Variants in PATJ observed in about 807,000 individuals in gnomAD.
PATJ encodes the protein PATJ crumbs cell polarity complex component, also known as inaD-like protein.
Under a neutral mutation model 224.9 loss-of-function variants are expected in PATJ, and 190 were observed. The ratio of observed to expected loss-of-function variants is 0.84; its 90% CI spans 0.75 to 0.95. The LOEUF (loss-of-function observed/expected upper bound fraction) is 0.95. PATJ is among the 40% of genes least tolerant of loss of function. The pLI is 0.00. For synonymous variants in PATJ, 769 were observed against 820.3 expected, an observed-to-expected ratio of 0.94 and a Z score of 1.07; for missense variants, 2,121 against 2,270.3, an observed-to-expected ratio of 0.93 and a Z score of 1.34.
intron 22 of PATJ, among the ~76,000 whole-genome samples, chr1:61,888,097 G>T (rs1669127957): frequency 6.6e-6 from 1 of 152,146 alleles, no homozygotes; most frequent in African/African-American, 2.4e-5. Context: ...CTCTGCAAAA[G>T]CCAGGCCGGT....
At chr1:61,893,000 A>C (rs184992942) in intron 22 of PATJ, among the ~76,000 whole-genome samples, 86 of 152,354 alleles carry the variant, frequency 5.6e-4, no homozygotes, top group African/African-American at 2.0e-3. Flanking sequence ...TTAAAGTTTC[A>C]AATATGTTTG....
At chr1:61,953,813 C>G (rs1357410488) in intron 27 of PATJ, among the ~76,000 whole-genome samples, 2 of 152,160 alleles carry the variant, frequency 1.3e-5, no homozygotes, top group East Asian at 3.8e-4. Flanking sequence ...GATTATAATA[C>G]ATGTATGCTT....
chr1:61,861,284 C>CTTTTTTTTTTTTTTTTTTTTTTTTTTTTT, intron 18 of PATJ, among the ~76,000 whole-genome samples: 5 of 48,872 alleles, frequency 1.0e-4, no homozygotes, highest in Non-Finnish European at 1.7e-4. Context: ...TTCTTTCTTT[C>CTTTTTTTTTTTTTTTTTTTTTTTTTTTTT]TTTTTTTTTT....
At position 61,763,167 on chromosome 1, in the gene PATJ, A is replaced by G. The variant is rs1226043733; in HGVS notation, c.177A>G (p.Gln59=). The G allele has an allele frequency of 6.3e-7, 1 of 1,579,908 alleles. No individual in the cohort carries two copies. Among genetic ancestry groups the G allele is most frequent in the South Asian group, 1.2e-5 (1 of 83,296 alleles). Residue 59 remains glutamine, a synonymous_variant, in exon 3 of 44, where the codon CAA becomes CAG. Coordinates refer to ENST00000642238, the MANE Select transcript of PATJ (RefSeq NM_001350145.3). ...TCACACTTCAGCAGTCCATCAAGCA[A>G]CTGAAGGGTCAAGTAAGTTACCCAT... ...QILTLQQSIK[Q]LKGQLNHIPS...
chr1:61,781,148 G>C (rs1459457924), intron 7 of PATJ, among the ~76,000 whole-genome samples: 1 of 152,182 alleles, frequency 6.6e-6, no homozygotes, highest in Non-Finnish European at 1.5e-5. Context: ...GTTTGATTCT[G>C]AAGTCTGAGC....
At chr1:61,960,805 A>AT (rs1681167432) in intron 27 of PATJ, among the ~76,000 whole-genome samples, 1 of 152,036 alleles carries the variant, frequency 6.6e-6, no homozygotes, top group Non-Finnish European at 1.5e-5. Context: ...TTTGCTGACC[A>AT]TTTTTCTCAG....
chr1:61,820,901 C>A (rs900681608), intron 14 of PATJ, among the ~76,000 whole-genome samples: 12 of 152,148 alleles, frequency 7.9e-5, no homozygotes, highest in Non-Finnish European at 8.8e-5. Context: ...AGCTTTTCCT[C>A]ACCTCCTTTA....
intron 27 of PATJ, among the ~76,000 whole-genome samples, chr1:61,940,145 C>G (rs1285051245): frequency 1.3e-5 from 2 of 152,028 alleles, no homozygotes; most frequent in Non-Finnish European, 1.5e-5. Flanking sequence ...ACATCATTTA[C>G]TTTGACTAAG....
In PATJ at chr1:61,787,989, T is replaced by C. The variant is rs775604054; in HGVS notation, c.1068+17T>C. 6.3e-7 allele frequency: 1 copy of C among 1,587,434 alleles called. No individual in the cohort carries two copies. The highest frequency in any genetic ancestry group is 8.6e-7 in the Non-Finnish European group (1 of 1,158,062). On this transcript the variant is annotated intron_variant, in intron 8 of 43. Transcript: ENST00000642238. ...CCTGGTTCTGTGAGTATACATATCATTCTTTCATCTTAAACCAAAGCCTGG... is the reference window on the plus strand; with the variant it reads ...CCTGGTTCTGTGAGTATACATATCACTCTTTCATCTTAAACCAAAGCCTGG...
intron 26 of PATJ, among the ~76,000 whole-genome samples, chr1:61,926,581 A>C (rs922486382): frequency 4.6e-5 from 7 of 152,164 alleles, no homozygotes; most frequent in African/African-American, 1.7e-4. Context: ...ACAAGAATTA[A>C]AGAGACAAAG....
intron 42 of PATJ, among the ~76,000 whole-genome samples, chr1:62,152,047 C>G (rs780785737): frequency 2.7e-5 from 4 of 150,098 alleles, no homozygotes; most frequent in Non-Finnish European, 5.9e-5. Context: ...CTTGGTTTCT[C>G]TCTTCTCTCC....
intron 15 of PATJ, among the ~76,000 whole-genome samples, chr1:61,825,276 C>T (rs1288292047): frequency 6.6e-6 from 1 of 152,134 alleles, no homozygotes; most frequent in Non-Finnish European, 1.5e-5. Context: ...TGGGGCCACA[C>T]TTGTGCAATG....
rs1383896885 is a variant in PATJ at position 62,123,095 on chromosome 1, T to G, written c.5043+37T>G. 2.0e-6 allele frequency: 3 copies of G among 1,475,904 alleles called. No individual in the cohort carries two copies. The African/African-American group carries it at 4.2e-5, about 21-fold the overall frequency. The allele number at this position is 1,475,904 out of a possible 1,614,324, so 91.4% of individuals were successfully genotyped here. On this transcript the variant is annotated intron_variant, in intron 39 of 43. Transcript: ENST00000642238. Reference sequence around the variant, plus strand: ...ATTTTGCTGTATGTATTTTTCTGGTTTGTGTTGGATTTGCACTAAATGTAC... The same window carrying G: ...ATTTTGCTGTATGTATTTTTCTGGTGTGTGTTGGATTTGCACTAAATGTAC...
At chr1:61,991,827 C>A in intron 28 of PATJ, 1 of 742,818 alleles carries the variant, frequency 1.3e-6, no homozygotes, top group Non-Finnish European at 1.6e-6. Context: ...GAGACTTCCT[C>A]AGAGATGAGA....
chr1:61,745,238 A>G (rs367924531), intron 1 of PATJ, among the ~76,000 whole-genome samples: 4 of 152,210 alleles, frequency 2.6e-5, no homozygotes, highest in African/African-American at 9.7e-5. Context: ...ATGACCTACA[A>G]TCAGACAAGG....
At chr1:62,011,373 C>T (rs1330365400) in intron 28 of PATJ, among the ~76,000 whole-genome samples, 1 of 152,022 alleles carries the variant, frequency 6.6e-6, no homozygotes, top group Non-Finnish European at 1.5e-5. Flanking sequence ...TATTAATTGG[C>T]CTAACTTTAA....
At chr1:61,911,715 A>G (rs1178994508) in intron 25 of PATJ, among the ~76,000 whole-genome samples, 1 of 145,478 alleles carries the variant, frequency 6.9e-6, no homozygotes, top group Non-Finnish European at 1.5e-5. Context: ...ATATATATAT[A>G]TATCATATAT....
At position 61,856,186 on chromosome 1, in the gene PATJ, T is replaced by C. The variant is rs922901912; in HGVS notation, c.2269T>C (p.Leu757=). ...CTCACTTGCTGAAGCTGTGGAAATA[T>C]TGAAAGCTGTGCCACCAGGCCTAGT... is the stretch of plus-strand genomic sequence containing the variant. ...NTSLAEAVEI[L]KAVPPGLVHL... Residue 757 remains leucine (L), a synonymous_variant, in exon 18 of 44, where the codon TTG becomes CTG. Transcript: ENST00000642238. 1 of 1,614,204 alleles carries C rather than the reference T, an allele frequency of 6.2e-7. No individual in the cohort carries two copies. The highest frequency in any genetic ancestry group is 1.7e-5 in the Admixed American group (1 of 60,028).
intron 33 of PATJ, among the ~76,000 whole-genome samples, chr1:62,106,154 G>GTATATATATATATA (rs1357638316): frequency 5.6e-4 from 27 of 48,448 alleles, no homozygotes; most frequent in African/African-American, 2.0e-3. Flanking sequence ...ATGTGTGTGT[G>GTATATATATATATA]TGTGTATATA....
Sources: gnomAD v4.1 joint callset for allele counts (sites outside exome capture counted in the v4.1 genomes callset) on GRCh38, gnomAD v4.1.1 for gene constraint, MANE v1.5 for transcripts, NCBI Gene and HGNC (gene_info 2026-07-23, HGNC 2026-07-21) for gene names.